ANO10: variants seen among roughly 807,000 people sequenced by gnomAD.
ANO10 encodes the protein anoctamin 10.
ANO10 carries 77 observed loss-of-function variants against 74.7 expected under a neutral mutation model. That is an observed-to-expected ratio of 1.03 (90% CI 0.86 to 1.25). The LOEUF (loss-of-function observed/expected upper bound fraction) is 1.25. ANO10 is among the 50% of genes most tolerant of loss of function. ANO10 has a pLI of 0.00. For synonymous variants in ANO10, 279 were observed against 284.9 expected (o/e 0.98, Z 0.21); for missense variants, 721 against 778.1 (o/e 0.93, Z 0.87).
rs1417691182 is a variant in ANO10 at position 43,555,295 on chromosome 3, T to A, written c.1651A>T (p.Asn551Tyr). The change falls in exon 10 of 13, where the codon AAT becomes TAT. Residue 551 changes from asparagine to tyrosine, a missense_variant. By Grantham distance (143) the Asn-to-Tyr change is moderately radical. Coordinates refer to ENST00000292246, the MANE Select transcript of ANO10 (RefSeq NM_018075.5). Reference protein sequence around the residue: ...FKRPFSEPSANIGVWQLAFET... With the variant: ...FKRPFSEPSAYIGVWQLAFET... Reference sequence around the variant, plus strand: ...ACAATTACCTGCCACACACCAATATTGGCTGAAGGTTCTGAGAATGGACGT... The same window carrying A: ...ACAATTACCTGCCACACACCAATATAGGCTGAAGGTTCTGAGAATGGACGT... 1.7e-5 allele frequency: 27 copies of A among 1,614,002 alleles called. No homozygotes were observed. The highest frequency in any genetic ancestry group is 2.3e-5 in the Non-Finnish European group (27 of 1,179,988).
chr3:43,680,196 T>C (rs943444498), intron 1 of ANO10, among the ~76,000 whole-genome samples: 14 of 152,034 alleles, frequency 9.2e-5, no homozygotes, highest in Admixed American at 4.6e-4. Flanking sequence ...GAAAAAAAAT[T>C]AGACGAATGG....
intron 1 of ANO10, among the ~76,000 whole-genome samples, chr3:43,627,108 G>A (rs1353532079): frequency 2.0e-5 from 3 of 152,166 alleles, no homozygotes; most frequent in Non-Finnish European, 4.4e-5. Context: ...TTTCCACTAA[G>A]TGACAAGGCC....
chr3:43,492,153 G>C (rs1463465796), intron 11 of ANO10, among the ~76,000 whole-genome samples: 1 of 152,172 alleles, frequency 6.6e-6, no homozygotes, highest in Non-Finnish European at 1.5e-5. Flanking sequence ...ACCACCATCT[G>C]ATCTTTGACA....
At chr3:43,432,782 G>A (rs1311271262) in intron 11 of ANO10, 55 bp from the exon 12 acceptor site, 2 of 1,124,950 alleles carry the variant, frequency 1.8e-6, no homozygotes, top group Non-Finnish European at 2.7e-6. Context: ...TATATGCAAG[G>A]AAATAAATTG....
chr3:43,539,149 T>C (rs550696739), intron 11 of ANO10, among the ~76,000 whole-genome samples: 1 of 152,274 alleles, frequency 6.6e-6, no homozygotes, highest in South Asian at 2.1e-4. Flanking sequence ...TCACCCCTCC[T>C]GCTCCCTCCT....
At chr3:43,654,388 A>C (rs1326155979) in intron 1 of ANO10, among the ~76,000 whole-genome samples, 1 of 152,174 alleles carries the variant, frequency 6.6e-6, no homozygotes, top group Non-Finnish European at 1.5e-5. Context: ...GATAGAATTC[A>C]GAGGGTATAT....
At chr3:43,486,142 T>C (rs1348473302) in intron 11 of ANO10, among the ~76,000 whole-genome samples, 3 of 152,104 alleles carry the variant, frequency 2.0e-5, no homozygotes, top group Non-Finnish European at 4.4e-5. Context: ...AGAGATTGAG[T>C]CTGACACCTT....
intron 1 of ANO10, among the ~76,000 whole-genome samples, chr3:43,681,688 T>G (rs1235086966): frequency 6.6e-6 from 1 of 152,122 alleles, no homozygotes; most frequent in Non-Finnish European, 1.5e-5. Context: ...AGTAAAGCAC[T>G]CCTCAGCAAA....
At chr3:43,371,335 AG>A (rs1432882285) in intron 12 of ANO10, among the ~76,000 whole-genome samples, 1 of 152,148 alleles carries the variant, frequency 6.6e-6, no homozygotes, top group East Asian at 1.9e-4. Context: ...CTGGCCACAT[AG>A]GGTGTCTAGG....
At chr3:43,406,763 A>G (rs1339285243) in intron 12 of ANO10, among the ~76,000 whole-genome samples, 1 of 152,194 alleles carries the variant, frequency 6.6e-6, no homozygotes, top group Non-Finnish European at 1.5e-5. Context: ...TCCATTTACG[A>G]CATTCTAAAT....
intron 12 of ANO10, among the ~76,000 whole-genome samples, chr3:43,374,179 T>C (rs2125680170): frequency 6.6e-6 from 1 of 152,336 alleles, no homozygotes; most frequent in Middle Eastern, 3.4e-3. Flanking sequence ...CATGCCAATC[T>C]TGGCTACTTA....
chr3:43,477,919 T>C (rs553868386), intron 11 of ANO10, among the ~76,000 whole-genome samples: 1 of 151,982 alleles, frequency 6.6e-6, no homozygotes, highest in East Asian at 1.9e-4. Context: ...ACATAGGGAG[T>C]GAGGGAGGAA....
At chr3:43,683,260 A>G (rs1297006892) in intron 1 of ANO10, among the ~76,000 whole-genome samples, 1 of 152,220 alleles carries the variant, frequency 6.6e-6, no homozygotes, top group Non-Finnish European at 1.5e-5. Flanking sequence ...AATGTGCAAA[A>G]ATCACAAGCA....
intron 12 of ANO10, among the ~76,000 whole-genome samples, chr3:43,400,704 C>T (rs1257708050): frequency 2.6e-5 from 4 of 152,040 alleles, no homozygotes; most frequent in South Asian, 2.1e-4. Context: ...CACTTGGGCC[C>T]GGGAGTCTAA....
At chr3:43,597,495 A>G (rs1024296791) in intron 4 of ANO10, among the ~76,000 whole-genome samples, 2 of 152,144 alleles carry the variant, frequency 1.3e-5, no homozygotes, top group Admixed American at 6.5e-5. Flanking sequence ...CATCATTCTC[A>G]GCAAACTATC....
In ANO10 at chr3:43,598,588, T is replaced by A. The variant is rs1341078381; in HGVS notation, c.416A>T (p.Asp139Val). The A allele has an allele frequency of 5.0e-6, 8 of 1,612,790 alleles. No individual in the cohort carries two copies. Among genetic ancestry groups the A allele is most frequent in the Admixed American group, 1.7e-5 (1 of 59,942 alleles). The change falls in exon 4 of 13, where the codon GAT becomes GTT. Residue 139 changes from aspartate to valine, a missense_variant. Transcript: ENST00000292246. ...AGGGTAACCAGGGATCATTTTTTCATCTTTAGCTCTAAGATTTTCAAGTTC... is the reference window on the plus strand; with the variant it reads ...AGGGTAACCAGGGATCATTTTTTCAACTTTAGCTCTAAGATTTTCAAGTTC... ...KHELENLRAK[D>V]EKMIPGYPQA...
intron 12 of ANO10, among the ~76,000 whole-genome samples, chr3:43,374,243 A>AC (rs1481799838): frequency 6.6e-6 from 1 of 151,914 alleles, no homozygotes; most frequent in Admixed American, 6.6e-5. Context: ...CCTCTTTTTA[A>AC]CCTCCTTTGT....
At chr3:43,588,918 T>C (rs2081596286) in intron 4 of ANO10, among the ~76,000 whole-genome samples, 1 of 152,160 alleles carries the variant, frequency 6.6e-6, no homozygotes, top group African/African-American at 2.4e-5. Context: ...ATTCTCATGG[T>C]TGTTACAGAG....
intron 11 of ANO10, among the ~76,000 whole-genome samples, chr3:43,438,106 C>T (rs748096395): frequency 1.1e-4 from 17 of 151,850 alleles, no homozygotes; most frequent in Non-Finnish European, 2.4e-4. Flanking sequence ...AAAAAAGAAC[C>T]CAACAGAAAT....
Sources: gnomAD v4.1 joint callset for allele counts (sites outside exome capture counted in the v4.1 genomes callset) on GRCh38, gnomAD v4.1.1 for gene constraint, MANE v1.5 for transcripts, NCBI Gene and HGNC (gene_info 2026-07-23, HGNC 2026-07-21) for gene names.